NAV1: variants seen among roughly 807,000 people sequenced by gnomAD.
NAV1 encodes the protein pore membrane and/or filament interacting like protein 3.
NAV1 carries 18 observed loss-of-function variants against 175.2 expected under a neutral mutation model. That is an observed-to-expected ratio of 0.10 (90% CI 0.07 to 0.15). The LOEUF (loss-of-function observed/expected upper bound fraction) is 0.15, where lower values mean the gene tolerates loss of function less well. Ranked by LOEUF, NAV1 falls within the 10% of genes least tolerant of loss-of-function variation. The probability of loss-of-function intolerance (pLI) is 1.00; values close to 1 mark genes in which losing one functional copy is unlikely to be tolerated. For missense variants in NAV1, 1,731 were observed against 2,436.6 expected, an observed-to-expected ratio of 0.71 and a Z score of 6.10; for synonymous variants, 897 against 978.7, an observed-to-expected ratio of 0.92 and a Z score of 1.56.
chr1:201,544,655 G>A (rs575348752), intron 1 of NAV1, among the ~76,000 whole-genome samples: 6 of 152,242 alleles, frequency 3.9e-5, no homozygotes, highest in South Asian at 2.1e-4. Context: ...TCCACCCATC[G>A]CTGAAAGATC....
At chr1:201,786,364 G>A (rs1256924222) in intron 8 of NAV1, 65 bp from the exon 13 acceptor site, 16 of 1,517,056 alleles carry the variant, frequency 1.1e-5, no homozygotes, top group Admixed American at 5.4e-5. Context: ...GACACCCTCC[G>A]CACCAACTAA....
intron 29 of NAV1, 84 bp from the exon 34 acceptor site, chr1:201,819,753 G>T: frequency 8.0e-7 from 1 of 1,248,050 alleles, no homozygotes; most frequent in Non-Finnish European, 1.2e-6. Context: ...CCAAAGTGTT[G>T]GGATTTTGTT....
intron 1 of NAV1, among the ~76,000 whole-genome samples, chr1:201,559,841 C>T (rs1394143420): frequency 6.6e-6 from 1 of 152,230 alleles, no homozygotes. Flanking sequence ...CCAGAGGGTG[C>T]AGTTGCCCAG....
chr1:201,797,586 C>A (rs1472202306), intron 15 of NAV1: 1 of 152,174 alleles, frequency 6.6e-6, no homozygotes, highest in Non-Finnish European at 1.5e-5. Flanking sequence ...ATCTGTATAT[C>A]AATTTAGAGA....
At chr1:201,620,618 C>T (rs1017626743), upstream of NAV1, among the ~76,000 whole-genome samples, 2 of 151,806 alleles carry the variant, frequency 1.3e-5, no homozygotes, top group African/African-American at 4.8e-5. Context: ...GCCACCACGC[C>T]CAGCTATTTA....
chr1:201,684,097 A>ACT (rs1670574894), intron 1 of NAV1, among the ~76,000 whole-genome samples: 1 of 151,948 alleles, frequency 6.6e-6, no homozygotes, highest in Non-Finnish European at 1.5e-5. Context: ...CCTTTGACAT[A>ACT]CTCCAATCTT....
chr1:201,559,414 T>C (rs139496509), intron 1 of NAV1, among the ~76,000 whole-genome samples: 152 of 152,172 alleles, frequency 1.0e-3, no homozygotes, highest in African/African-American at 3.6e-3. Context: ...CTTCCAACAG[T>C]TGCTGCTTTT....
chr1:201,718,306 A>T lies in NAV1; in HGVS notation c.861-84A>T. ...GTGACAGGGCCTGTGGGTGGAGGGG[A>T]GGCATTGCTGGGGTGCATGTGAGGG... On this transcript the variant is annotated intron_variant, in intron 2 of 29. Transcript: ENST00000367296. The surrounding 1 kb of genome is among the most constrained non-coding windows in gnomAD (Gnocchi z 4.8). The T allele has an allele frequency of 7.3e-7, 1 of 1,362,594 alleles. No individual in the cohort carries two copies. Among genetic ancestry groups the T allele is most frequent in the Non-Finnish European group, 9.6e-7 (1 of 1,045,922 alleles). The allele number at this position is 1,362,594 out of a possible 1,614,324, so 84.4% of individuals were successfully genotyped here. A position where few individuals can be genotyped will look rare whatever the true frequency, so the allele number is the denominator to read the frequency against.
At chr1:201,554,825 A>G (rs662755) in intron 1 of NAV1, among the ~76,000 whole-genome samples, 115,307 of 152,136 alleles carry the variant, frequency 0.76, 44,986 homozygotes, top group East Asian at 0.93. Flanking sequence ...AGAAATCTAT[A>G]GTGTCAGTTC....
intron 1 of NAV1, among the ~76,000 whole-genome samples, chr1:201,549,135 CTTTCTTTCTTCTT>C (rs1483567846): frequency 3.0e-5 from 4 of 131,166 alleles, no homozygotes; most frequent in Admixed American, 8.1e-5. Flanking sequence ...TTCTTTCTTT[CTTTCTTTCTTCTT>C]TCTCTCTCTC....
chr1:201,629,166 T>A (rs994739089), intron 1 of NAV1, among the ~76,000 whole-genome samples: 1 of 152,180 alleles, frequency 6.6e-6, no homozygotes, highest in African/African-American at 2.4e-5. Context: ...GTGACAAGCA[T>A]CGGGCATCCC....
At chr1:201,627,533 C>T (rs183140788) in intron 1 of NAV1, among the ~76,000 whole-genome samples, 1 of 134,624 alleles carries the variant, frequency 7.4e-6, no homozygotes, top group Non-Finnish European at 1.6e-5. Flanking sequence ...CCGGCCCCCC[C>T]ACCCTAAGTA....
chr1:201,793,746 C>T, intron 13 of NAV1, 46 bp from the exon 18 acceptor site: 3 of 1,558,774 alleles, frequency 1.9e-6, no homozygotes, highest in South Asian at 2.3e-5. Context: ...ATTGCCTTTC[C>T]CCCAGCCTTA....
exon 30 of NAV1, chr1:201,820,026 T>C: frequency 8.4e-7 from 1 of 1,188,080 alleles, no homozygotes; most frequent in Non-Finnish European, 1.2e-6. Flanking sequence ...GAGCACTGGC[T>C]CTCCAGCCCC....
chr1:201,680,300 A>G lies in NAV1; in HGVS notation c.757+30875A>G, dbSNP rs146778200. Among the ~76,000 whole-genome samples, 1,053 of 152,288 alleles carry G rather than the reference A, an allele frequency of 6.9e-3. 9 individuals carry two copies. The highest frequency in any genetic ancestry group is 0.024 in the African/African-American group (1,008 of 41,554). ...CGAGGTGGGCGGATCACCTGAGGTC[A>G]GGAGTTCGAGACCAGCCTCAACATG... On this transcript the variant is annotated intron_variant, in intron 1 of 29. Transcript: ENST00000367296.
chr1:201,810,524 T>A lies in NAV1; in HGVS notation c.4563T>A (p.Gly1521=). Residue 1521 remains glycine, a splice_region_variant and synonymous_variant, in exon 24 of 30, where the codon GGT becomes GGA. Coordinates refer to ENST00000367296, the Ensembl canonical transcript of NAV1. This position sits in a 1 kb window ranked among gnomAD's most constrained non-coding sequence, Gnocchi z 6.0. ...ATGCTTTCTGGGGTGGGGGTTCAGGTCTGAAGGAGAAATGCGTCGACAGCC... is the reference window on the plus strand; with the variant it reads ...ATGCTTTCTGGGGTGGGGGTTCAGGACTGAAGGAGAAATGCGTCGACAGCC... 1 of 1,607,234 alleles carries A rather than the reference T, an allele frequency of 6.2e-7. No individual in the cohort carries two copies. Among genetic ancestry groups the A allele is most frequent in the Non-Finnish European group, 8.5e-7 (1 of 1,176,924 alleles).
chr1:201,791,620 GT>G (rs1677118659), intron 13 of NAV1: 1 of 152,232 alleles, frequency 6.6e-6, no homozygotes, highest in Admixed American at 6.5e-5. Flanking sequence ...GTAGTTTCTG[GT>G]TTTCTCTCTG....
intron 2 of NAV1, among the ~76,000 whole-genome samples, chr1:201,593,536 A>G (rs1289676924): frequency 6.6e-6 from 1 of 152,198 alleles, no homozygotes; most frequent in Non-Finnish European, 1.5e-5. Flanking sequence ...CTAATCCAGA[A>G]GGAAGAGTTT....
Position 201,539,443 on chromosome 1 carries a change from A to G in NAV1, c.-144+101A>G, listed in dbSNP as rs1293982765. Reference sequence around the variant, plus strand: ...TGGCAGGTCCTGCGAGGCCGAGACCAAGTCTCGGGGTAGGGGAGGTTGGTG... The same window carrying G: ...TGGCAGGTCCTGCGAGGCCGAGACCGAGTCTCGGGGTAGGGGAGGTTGGTG... On this transcript the variant is annotated intron_variant, in intron 1 of 33. Transcript: ENST00000685211. This position sits in a 1 kb window ranked among gnomAD's most constrained non-coding sequence, Gnocchi z 5.6. Among the ~76,000 whole-genome samples, 2 of 151,760 alleles carry G rather than the reference A, an allele frequency of 1.3e-5. No homozygotes were observed. The highest frequency in any genetic ancestry group is 2.9e-5 in the Non-Finnish European group (2 of 67,912).
Sources: gnomAD v4.1 joint callset for allele counts (sites outside exome capture counted in the v4.1 genomes callset) on GRCh38, gnomAD v4.1.1 for gene constraint, Gnocchi (gnomAD v3.1) non-coding constraint, MANE v1.5 for transcripts, NCBI Gene and HGNC (gene_info 2026-07-23, HGNC 2026-07-21) for gene names.